Variants in DYNLL1 observed in about 807,000 individuals in gnomAD.
The protein encoded by DYNLL1 is dynein light chain LC8-type 1.
DYNLL1 carries 3 observed loss-of-function variants against 10.1 expected under a neutral mutation model. The observed-to-expected ratio is 0.30, with a 90% CI of 0.14 to 0.77. The LOEUF (loss-of-function observed/expected upper bound fraction) is 0.77. DYNLL1 is among the 30% of genes least tolerant of loss of function. DYNLL1 has a pLI of 0.66. For missense variants in DYNLL1, 47 were observed against 111.7 expected (o/e 0.42, Z 2.61); for synonymous variants, 46 against 41.2 (o/e 1.12, Z -0.45).
At chr12:120,496,023 A>G (rs1942316855), upstream of DYNLL1, 4 of 327,604 alleles carry the variant, frequency 1.2e-5, no homozygotes, top group East Asian at 1.5e-4. Flanking sequence ...GGCTGCGTCA[A>G]GCCAATAGGG....
At chr12:120,479,400 G>A (rs560961140) in intron 1 of DYNLL1, among the ~76,000 whole-genome samples, 126 of 135,684 alleles carry the variant, frequency 9.3e-4, no homozygotes, top group African/African-American at 3.4e-3. Flanking sequence ...GTTGTGGTCA[G>A]CTGAGATCAC....
chr12:120,496,642 C>T (rs771582342), intron 2 of DYNLL1, 89 bp downstream of exon 2: 3 of 1,608,822 alleles, frequency 1.9e-6, no homozygotes, highest in Admixed American at 1.7e-5. Flanking sequence ...CTGACAGGTC[C>T]CGGGAATACT....
chr12:120,485,058 C>G (rs1593001673), intron 1 of DYNLL1, among the ~76,000 whole-genome samples: 1 of 151,702 alleles, frequency 6.6e-6, no homozygotes, highest in Admixed American at 6.6e-5. Context: ...TATAAAGAAG[C>G]TATTAAAATT....
chr12:120,484,446 T>C (rs1309778051), intron 1 of DYNLL1, among the ~76,000 whole-genome samples: 1 of 152,144 alleles, frequency 6.6e-6, no homozygotes, highest in East Asian at 1.9e-4. Context: ...ATCATCCCAT[T>C]TTGGTAAAAA....
At chr12:120,474,373 G>C (rs1878710760) in intron 1 of DYNLL1, among the ~76,000 whole-genome samples, 1 of 151,490 alleles carries the variant, frequency 6.6e-6, no homozygotes, top group Non-Finnish European at 1.5e-5. Flanking sequence ...AAGAATTAAT[G>C]CAGTTCCCAC....
At chr12:120,483,411 A>C (rs1878928283) in intron 1 of DYNLL1, among the ~76,000 whole-genome samples, 1 of 152,078 alleles carries the variant, frequency 6.6e-6, no homozygotes, top group Non-Finnish European at 1.5e-5. Context: ...TAAAGAATTT[A>C]AGCTCATTAA....
At chr12:120,477,198 G>T (rs1188045147) in intron 1 of DYNLL1, among the ~76,000 whole-genome samples, 2 of 152,070 alleles carry the variant, frequency 1.3e-5, no homozygotes, top group African/African-American at 4.8e-5. Flanking sequence ...CAAAATCCTG[G>T]GATTACAGGT....
chr12:120,475,166 TTTAACA>T (rs1397410333), intron 1 of DYNLL1, among the ~76,000 whole-genome samples: 1 of 152,212 alleles, frequency 6.6e-6, no homozygotes, highest in African/African-American at 2.4e-5. Context: ...GCAAAAAATC[TTTAACA>T]TTATTTTTCA....
At chr12:120,482,483 C>T (rs778742563) in intron 1 of DYNLL1, among the ~76,000 whole-genome samples, 12 of 152,052 alleles carry the variant, frequency 7.9e-5, no homozygotes, top group South Asian at 6.2e-4. Context: ...CCACCGTGCC[C>T]GGCTAATTTT....
chr12:120,484,757 G>C (rs879782704), intron 1 of DYNLL1, among the ~76,000 whole-genome samples: 1 of 76,806 alleles, frequency 1.3e-5, no homozygotes, highest in Non-Finnish European at 2.9e-5. Flanking sequence ...TTTTTTTTTT[G>C]AGACGGAGTC....
At chr12:120,471,477 TCAAAA>T (rs1483774651) in intron 1 of DYNLL1, among the ~76,000 whole-genome samples, 17 of 152,330 alleles carry the variant, frequency 1.1e-4, no homozygotes, top group East Asian at 5.8e-4. Context: ...CATTTTAAAA[TCAAAA>T]CAAACCAAAG....
intron 1 of DYNLL1, among the ~76,000 whole-genome samples, chr12:120,482,143 G>A (rs894006950): frequency 2.0e-5 from 3 of 152,114 alleles, no homozygotes; most frequent in Non-Finnish European, 2.9e-5. Context: ...GAGAAGCCAG[G>A]GCACTGTGTT....
chr12:120,484,750 T>A (rs1878955248), intron 1 of DYNLL1, among the ~76,000 whole-genome samples: 1 of 151,826 alleles, frequency 6.6e-6, no homozygotes, highest in Non-Finnish European at 1.5e-5. Flanking sequence ...CTTTTTTTTT[T>A]TTTTTTGAGA....
At chr12:120,477,497 G>A (rs557802710) in intron 1 of DYNLL1, among the ~76,000 whole-genome samples, 1 of 152,112 alleles carries the variant, frequency 6.6e-6, no homozygotes, top group African/African-American at 2.4e-5. Context: ...AGGCGTGGTG[G>A]CTCATGCCTG....
chr12:120,480,120 C>T (rs563167706), intron 1 of DYNLL1, among the ~76,000 whole-genome samples: 1 of 152,004 alleles, frequency 6.6e-6, no homozygotes, highest in South Asian at 2.1e-4. Flanking sequence ...ATCCAATCAT[C>T]CCTCCTTGTG....
intron 1 of DYNLL1, among the ~76,000 whole-genome samples, chr12:120,483,880 G>C (rs933861329): frequency 4.6e-5 from 7 of 152,134 alleles, no homozygotes; most frequent in African/African-American, 1.7e-4. Flanking sequence ...ACAGCTAAGA[G>C]AGTGTGTGGT....
chr12:120,474,442 T>TA (rs11355698), intron 1 of DYNLL1, among the ~76,000 whole-genome samples: 163 of 142,794 alleles, frequency 1.1e-3, no homozygotes, highest in African/African-American at 2.4e-3. Flanking sequence ...AAAAACAACA[T>TA]AAAAAAAAAA....
rs1868403368 is a variant in DYNLL1, at chr12:120,496,400, A to G, written c.-6-16A>G. On this transcript the variant is annotated splice_polypyrimidine_tract_variant and intron_variant, in intron 1 of 2. Transcript: ENST00000242577. ...GCGGCCCAACTCAACCCCTTACCCC[A>G]GGCCTTGCCCACTAGGTAACCATGT... 2 of 1,613,786 alleles carry G rather than the reference A, an allele frequency of 1.2e-6. No homozygotes were observed. Among genetic ancestry groups the G allele is most frequent in the Non-Finnish European group, 1.7e-6 (2 of 1,179,980 alleles).
intron 1 of DYNLL1, among the ~76,000 whole-genome samples, chr12:120,484,960 G>C (rs1007945623): frequency 6.6e-6 from 1 of 152,160 alleles, no homozygotes; most frequent in Non-Finnish European, 1.5e-5. Context: ...GGCTGGTCTC[G>C]AACTTCTGAC....
Sources: allele counts gnomAD v4.1 joint callset (sites outside exome capture counted in the v4.1 genomes callset), GRCh38; gene constraint gnomAD v4.1.1; transcripts MANE v1.5; gene names NCBI Gene and HGNC (gene_info 2026-07-23, HGNC 2026-07-21).